Variants in PRKN observed in about 807,000 individuals in gnomAD.
PRKN encodes the protein parkin RBR E3 ubiquitin protein ligase.
PRKN carries 56 observed loss-of-function variants against 59.5 expected under a neutral mutation model. That is an observed-to-expected ratio of 0.94 (90% CI 0.76 to 1.18). The LOEUF is 1.18. PRKN is among the 50% of genes most tolerant of loss of function. PRKN has a pLI of 0.00. For synonymous variants in PRKN, 250 were observed against 222.1 expected (o/e 1.13, Z -1.12); for missense variants, 657 against 596.4 (o/e 1.10, Z -1.06).
chr6:161,430,565 A>C (rs4235929), intron 9 of PRKN, among the ~76,000 whole-genome samples: 121,441 of 152,048 alleles, frequency 0.8, 49,012 homozygotes, highest in East Asian at 0.94. Context: ...CCTGTAATCC[A>C]AGCACTTTGG....
intron 5 of PRKN, among the ~76,000 whole-genome samples, chr6:162,028,782 C>A (rs79006804): frequency 6.6e-6 from 1 of 152,104 alleles, no homozygotes; most frequent in South Asian, 2.1e-4. Flanking sequence ...ATGGGGGACC[C>A]GTAGCAAAGC....
intron 6 of PRKN, among the ~76,000 whole-genome samples, chr6:161,808,143 G>T (rs1471364704): frequency 1.3e-5 from 2 of 151,932 alleles, no homozygotes; most frequent in Admixed American, 1.3e-4. Context: ...GATGAAGACA[G>T]GAAGATTATT....
In PRKN at chr6:161,470,436, G is replaced by C. The variant is rs1433007795; in HGVS notation, c.1083+78418C>G. Among the ~76,000 whole-genome samples, 1 of 152,166 alleles carries C rather than the reference G, an allele frequency of 6.6e-6. No individual in the cohort carries two copies. The highest frequency in any genetic ancestry group is 1.5e-5 in the Non-Finnish European group (1 of 68,044). ...GAACTCCCATTATGAACACTCAAGA[G>C]TAATTCTCAACGGATCAGAACTTCC... On this transcript the variant is annotated intron_variant, in intron 9 of 11. Transcript: ENST00000366898. This position sits in a 1 kb window ranked among gnomAD's most constrained non-coding sequence, Gnocchi z 5.1.
In PRKN at chr6:161,566,569, G is replaced by A. The variant is rs1780651046; in HGVS notation, c.933+2786C>T. ...TTACAGGCGCCCGCCACCACACCCA[G>A]CTAACTTCTGTATTTTTAGTAGAGA... On this transcript the variant is annotated intron_variant, in intron 8 of 11. Coordinates refer to ENST00000366898, the MANE Select transcript of PRKN (RefSeq NM_004562.3). This position sits in a 1 kb window ranked among gnomAD's most constrained non-coding sequence, Gnocchi z 4.1. Among the ~76,000 whole-genome samples, 1 of 152,104 alleles carries A rather than the reference G, an allele frequency of 6.6e-6. No homozygotes were observed. Among genetic ancestry groups the A allele is most frequent in the Admixed American group, 6.5e-5 (1 of 15,278 alleles).
At chr6:161,972,821 C>T (rs1430543961) in intron 6 of PRKN, among the ~76,000 whole-genome samples, 2 of 152,176 alleles carry the variant, frequency 1.3e-5, no homozygotes, top group Non-Finnish European at 2.9e-5. Flanking sequence ...CACCTGAGGT[C>T]AGGAGTTCAA....
At chr6:161,543,751 C>T (rs895037447) in intron 9 of PRKN, among the ~76,000 whole-genome samples, 1 of 152,100 alleles carries the variant, frequency 6.6e-6, no homozygotes, top group Admixed American at 6.5e-5. Flanking sequence ...ACATGTAATA[C>T]CCCAAGATAA....
chr6:161,950,297 C>A (rs569037933), intron 6 of PRKN, among the ~76,000 whole-genome samples: 1 of 152,272 alleles, frequency 6.6e-6, no homozygotes, highest in Non-Finnish European at 1.5e-5. Flanking sequence ...GTAATCCCAG[C>A]ACTTTGGGAG....
intron 4 of PRKN, among the ~76,000 whole-genome samples, chr6:162,094,791 T>G (rs1779660215): frequency 6.6e-6 from 1 of 152,234 alleles, no homozygotes; most frequent in Admixed American, 6.5e-5. Flanking sequence ...TTAAAACTAT[T>G]CCTGAAATAA....
intron 7 of PRKN, among the ~76,000 whole-genome samples, chr6:161,692,206 T>C (rs1178782040): frequency 6.6e-6 from 1 of 152,152 alleles, no homozygotes; most frequent in Non-Finnish European, 1.5e-5. Flanking sequence ...TACTTTAAGA[T>C]GGAAATATGT....
intron 9 of PRKN, among the ~76,000 whole-genome samples, chr6:161,408,621 C>T (rs902144707): frequency 3.3e-5 from 5 of 151,440 alleles, no homozygotes; most frequent in Admixed American, 1.3e-4. Context: ...AGGGGGTCGG[C>T]GAGGCTGATA....
intron 2 of PRKN, among the ~76,000 whole-genome samples, chr6:162,302,142 A>T (rs1227801715): frequency 1.3e-5 from 2 of 152,048 alleles, no homozygotes; most frequent in African/African-American, 4.8e-5. Context: ...ATGTGTTTGC[A>T]TTTAGTCATT....
chr6:162,641,273 T>C (rs955055055), intron 1 of PRKN, among the ~76,000 whole-genome samples: 43 of 151,346 alleles, frequency 2.8e-4, no homozygotes, highest in African/African-American at 8.4e-4. Flanking sequence ...CTTTTACTTA[T>C]AAAGTGAAAG....
At chr6:161,690,473 C>T (rs1177178558) in intron 7 of PRKN, among the ~76,000 whole-genome samples, 1 of 152,206 alleles carries the variant, frequency 6.6e-6, no homozygotes, top group Non-Finnish European at 1.5e-5. Flanking sequence ...GCCTTCTAAC[C>T]TGACTCACTG....
At position 162,501,381 on chromosome 6, in the gene PRKN, T is replaced by C. The variant is rs182164880; in HGVS notation, c.8-57908A>G. Reference sequence around the variant, plus strand: ...TTTTTTTTTTGAGACACAGTTTAACTCTGTCACCCAGGCTGGAGTGCTGTG... The same window carrying C: ...TTTTTTTTTTGAGACACAGTTTAACCCTGTCACCCAGGCTGGAGTGCTGTG... On this transcript the variant is annotated intron_variant, in intron 1 of 11. Coordinates refer to ENST00000366898, the MANE Select transcript of PRKN (RefSeq NM_004562.3). Among the ~76,000 whole-genome samples the C allele has an allele frequency of 3.8e-3, 564 of 148,148 alleles. 3 individuals are homozygous for C. Among genetic ancestry groups the C allele is most frequent in the African/African-American group, 0.013 (534 of 40,240 alleles).
chr6:162,319,653 G>A (rs1782903414), intron 2 of PRKN, among the ~76,000 whole-genome samples: 1 of 151,926 alleles, frequency 6.6e-6, no homozygotes, highest in South Asian at 2.1e-4. Flanking sequence ...TATTTCAAAT[G>A]AAAATAGGCT....
At chr6:161,608,043 T>C (rs1468862575) in intron 7 of PRKN, among the ~76,000 whole-genome samples, 1 of 151,906 alleles carries the variant, frequency 6.6e-6, no homozygotes, top group Non-Finnish European at 1.5e-5. Context: ...GGGGGGACAA[T>C]AGAGAGAAAA....
chr6:162,637,798 A>G (rs1411615417), intron 1 of PRKN, among the ~76,000 whole-genome samples: 1 of 152,206 alleles, frequency 6.6e-6, no homozygotes. Context: ...AACTTCTTTA[A>G]AAGTCACTAT....
chr6:162,133,067 G>A (rs1781433846), intron 4 of PRKN, among the ~76,000 whole-genome samples: 1 of 152,062 alleles, frequency 6.6e-6, no homozygotes. Flanking sequence ...GTGGACTTAG[G>A]GTTTTACTGT....
At chr6:162,373,783 C>T (rs917026945) in intron 2 of PRKN, among the ~76,000 whole-genome samples, 2 of 152,006 alleles carry the variant, frequency 1.3e-5, no homozygotes, top group African/African-American at 4.8e-5. Flanking sequence ...CAAAAAAGCA[C>T]TTAAAAATTA....
Sources: allele counts gnomAD v4.1 joint callset (sites outside exome capture counted in the v4.1 genomes callset), GRCh38; gene constraint gnomAD v4.1.1; non-coding constraint Gnocchi (gnomAD v3.1); transcripts MANE v1.5; gene names NCBI Gene and HGNC (gene_info 2026-07-23, HGNC 2026-07-21).